The following EPS8 variants were observed in gnomAD, a reference collection of about 807,000 sequenced individuals.
The protein encoded by EPS8 is epidermal growth factor receptor kinase substrate 8.
Under a neutral mutation model 103.8 loss-of-function variants are expected in EPS8, and 42 were observed. The ratio of observed to expected loss-of-function variants is 0.40; its 90% CI spans 0.32 to 0.52. The LOEUF is 0.52. EPS8 is among the 20% of genes least tolerant of loss of function. The pLI is 0.40. For synonymous variants in EPS8, 344 were observed against 344.6 expected, an observed-to-expected ratio of 1.00 and a Z score of 0.02; for missense variants, 969 against 1,005.1, an observed-to-expected ratio of 0.96 and a Z score of 0.49.
chr12:15,656,959 A>C (rs1374433830), intron 12 of EPS8, among the ~76,000 whole-genome samples: 1 of 152,134 alleles, frequency 6.6e-6, no homozygotes, highest in Non-Finnish European at 1.5e-5. Flanking sequence ...TCCAAGCACC[A>C]TAATCCCCCA....
chr12:15,711,571 T>C (rs1946465539), intron 1 of EPS8, among the ~76,000 whole-genome samples: 1 of 152,124 alleles, frequency 6.6e-6, no homozygotes, highest in South Asian at 2.1e-4. Context: ...AGAACATATA[T>C]GGAGATTTAC....
intron 3 of EPS8, among the ~76,000 whole-genome samples, chr12:15,676,583 G>A (rs977169916): frequency 6.6e-6 from 1 of 152,242 alleles, no homozygotes; most frequent in Non-Finnish European, 1.5e-5. Flanking sequence ...ACACCCAAGC[G>A]AAGGGAATAT....
rs1373576725 is a variant in EPS8, at chr12:15,658,114, C to T, written c.1066G>A (p.Asp356Asn). 6.2e-7 allele frequency: 1 copy of T among 1,610,898 alleles called. No homozygotes were observed. The change falls in exon 12 of 21, where the codon GAT (aspartate) becomes AAT (asparagine). Residue 356 changes from aspartate to asparagine, a missense_variant. By Grantham distance (23) the Asp-to-Asn change is conservative. Coordinates refer to ENST00000281172, the MANE Select transcript of EPS8 (RefSeq NM_004447.6). ...KSHIQNPSAA[D>N]LVHFLFTPLN... ...GGAGTAAACAAAAAGTGAACCAAAT[C>T]TGCAGCACTAGGATTCTGAATATGA...
intron 1 of EPS8, among the ~76,000 whole-genome samples, chr12:15,715,947 G>A (rs1466842770): frequency 6.6e-6 from 1 of 150,514 alleles, no homozygotes; most frequent in Non-Finnish European, 1.5e-5. Flanking sequence ...ATAATATTAA[G>A]TCTTGAAACC....
intron 1 of EPS8, among the ~76,000 whole-genome samples, chr12:15,711,033 CTTAT>C (rs143155444): frequency 0.52 from 70,469 of 136,246 alleles, 19,273 homozygotes; most frequent in East Asian, 0.77. Context: ...CCATGCCAGG[CTTAT>C]TTATTTATTT....
rs1035860065 is a variant in EPS8 at position 15,752,369 on chromosome 12, C to A, written c.-22+36792G>T. On this transcript the variant is annotated intron_variant, in intron 1 of 20. Transcript: ENST00000281172. The surrounding 1 kb of genome is among the most constrained non-coding windows in gnomAD (Gnocchi z 4.4). ...GGCTAAGGCAGGAGAATGGCGTGAA[C>A]CCGCGAGGCGGAGCTTGCAGTGAGC... is the stretch of plus-strand genomic sequence containing the variant. Among the ~76,000 whole-genome samples, 1 of 152,054 alleles carries A rather than the reference C, an allele frequency of 6.6e-6. No homozygotes were observed. The highest frequency in any genetic ancestry group is 2.4e-5 in the African/African-American group (1 of 41,382).
At chr12:15,679,204 C>T (rs1250605279) in intron 3 of EPS8, among the ~76,000 whole-genome samples, 1 of 152,136 alleles carries the variant, frequency 6.6e-6, no homozygotes, top group Non-Finnish European at 1.5e-5. Flanking sequence ...AATTCATCCT[C>T]AATATTACTA....
rs745417768 is a variant in EPS8, at chr12:15,669,450, C to G, written c.453G>C (p.Leu151=). ...TGTTCTGGGTTGGCTCTTTGCACAC[C>G]AGTGCAAGAACTGAATCATAGCTGC... ...HSCSYDSVLA[L]VCKEPTQNKP... Residue 151 remains leucine, a synonymous_variant, in exon 6 of 21, where the codon CTG becomes CTC. Coordinates refer to ENST00000281172, the MANE Select transcript of EPS8 (RefSeq NM_004447.6). The G allele has an allele frequency of 7.4e-6, 12 of 1,613,584 alleles. No homozygotes were observed. Among genetic ancestry groups the G allele is most frequent in the Non-Finnish European group, 1.0e-5 (12 of 1,179,658 alleles).
chr12:15,621,317 T>A lies in EPS8; in HGVS notation c.2469A>T (p.Ter823TyrextTer46). ...TGGAGTTTAAATACAAACAAACAAA[T>A]TAGTGACTGCTTCCTTCATCAAAAG... ...VESFDEGSSH[*>Y] Residue 823 changes from the stop codon to tyrosine (Y), a stop_lost, in exon 21 of 21, where the codon TAA (stop) becomes TAT (tyrosine). Transcript: ENST00000281172. 1 of 1,536,802 alleles carries A rather than the reference T, an allele frequency of 6.5e-7. No homozygotes were observed. The highest frequency in any genetic ancestry group is 1.9e-5 in the Admixed American group (1 of 51,806).
intron 1 of EPS8, among the ~76,000 whole-genome samples, chr12:15,691,940 C>A (rs1377070960): frequency 6.6e-6 from 1 of 152,194 alleles, no homozygotes; most frequent in South Asian, 2.1e-4. Flanking sequence ...TACATTGAAG[C>A]ACCACCCATT....
In EPS8 at chr12:15,739,000, C is replaced by G. The variant is rs1054098716; in HGVS notation, c.-22+50161G>C. On this transcript the variant is annotated intron_variant, in intron 1 of 20. Coordinates refer to ENST00000281172, the MANE Select transcript of EPS8 (RefSeq NM_004447.6). This position sits in a 1 kb window ranked among gnomAD's most constrained non-coding sequence, Gnocchi z 6.2. ...GTCTATGCAGATTGCTCTAATATAG[C>G]ACAGACTACATCCCTGGGTTACTAT... Among the ~76,000 whole-genome samples the G allele has an allele frequency of 6.6e-6, 1 of 152,212 alleles. No individual in the cohort carries two copies. Among genetic ancestry groups the G allele is most frequent in the Non-Finnish European group, 1.5e-5 (1 of 68,030 alleles).
At position 15,736,545 on chromosome 12, in the gene EPS8, C is replaced by A. The variant is rs1180905421; in HGVS notation, c.-22+52616G>T. On this transcript the variant is annotated intron_variant, in intron 1 of 20. Coordinates refer to ENST00000281172, the MANE Select transcript of EPS8 (RefSeq NM_004447.6). This position sits in a 1 kb window ranked among gnomAD's most constrained non-coding sequence, Gnocchi z 4.2. ...TCTGCATTTTACTCACAGAAGATGC[C>A]CTCAAGCTTGGTTAAGATCTTATTA... 6.6e-6 allele frequency among the ~76,000 whole-genome samples: 1 copy of A among 152,074 alleles called. No homozygotes were observed. The highest frequency in any genetic ancestry group is 1.9e-4 in the East Asian group (1 of 5,184).
rs1275509636 is a variant in EPS8, at chr12:15,706,782, T to C, written c.-21-23810A>G. On this transcript the variant is annotated intron_variant, in intron 1 of 20. Transcript: ENST00000281172. This position sits in a 1 kb window ranked among gnomAD's most constrained non-coding sequence, Gnocchi z 5.2. ...AAGATATTCTTCCTTGGGCAAATTTTGTAATAAAATGACACAATTCTCCAA... is the reference window on the plus strand; with the variant it reads ...AAGATATTCTTCCTTGGGCAAATTTCGTAATAAAATGACACAATTCTCCAA... Among the ~76,000 whole-genome samples, 2 of 152,200 alleles carry C rather than the reference T, an allele frequency of 1.3e-5. No homozygotes were observed. The highest frequency in any genetic ancestry group is 1.3e-4 in the Admixed American group (2 of 15,284).
In EPS8 at chr12:15,621,003, A is replaced by G. The variant is rs1944853421; in HGVS notation, c.*314T>C. ...TTGCTTTGTTGCAGTGAATAACTCC[A>G]CCACTATCAAAACAATTCCTGTTTA... On this transcript the variant is annotated 3_prime_UTR_variant, in exon 21 of 21. Transcript: ENST00000281172. The G allele has an allele frequency of 4.3e-6, 1 of 233,050 alleles. No homozygotes were observed. Among genetic ancestry groups the G allele is most frequent in the Non-Finnish European group, 8.2e-6 (1 of 122,474 alleles). 14.4% of individuals were successfully genotyped at this position (233,050 alleles called of 1,614,324 possible).
intron 1 of EPS8, among the ~76,000 whole-genome samples, chr12:15,724,307 T>C (rs1029879439): frequency 6.6e-6 from 1 of 152,224 alleles, no homozygotes; most frequent in African/African-American, 2.4e-5. Flanking sequence ...CAAAGTTTTA[T>C]GTGTTGTCAA....
At chr12:15,665,288 A>G (rs1945687136) in intron 8 of EPS8, 1 of 172,160 alleles carries the variant, frequency 5.8e-6, no homozygotes, top group African/African-American at 2.4e-5. Flanking sequence ...TACAGATAAT[A>G]ATCTTAACAA....
chr12:15,633,259 T>C (rs1945080193), intron 17 of EPS8, among the ~76,000 whole-genome samples: 1 of 152,210 alleles, frequency 6.6e-6, no homozygotes, highest in Admixed American at 6.5e-5. Context: ...GCAGTCAAAA[T>C]ACAGCAAACA....
At chr12:15,669,863 T>TACA in intron 4 of EPS8, 38 bp from the exon 5 acceptor site, 1 of 1,473,716 alleles carries the variant, frequency 6.8e-7, no homozygotes, top group Non-Finnish European at 9.2e-7. Flanking sequence ...TTATAACACA[T>TACA]ACAAACACAT....
At position 15,759,365 on chromosome 12, in the gene EPS8, A is replaced by G. The variant is rs1947018901; in HGVS notation, c.-22+29796T>C. ...TTCCATAATTTTGATCTGATTCAAC[A>G]CAACTAATTTTATGCAATAAAAAAA... On this transcript the variant is annotated intron_variant, in intron 1 of 20. Transcript: ENST00000281172. This position sits in a 1 kb window ranked among gnomAD's most constrained non-coding sequence, Gnocchi z 4.9. Among the ~76,000 whole-genome samples the G allele has an allele frequency of 6.6e-6, 1 of 152,126 alleles. No homozygotes were observed. Among genetic ancestry groups the G allele is most frequent in the South Asian group, 2.1e-4 (1 of 4,832 alleles).
Sources: allele counts gnomAD v4.1 joint callset (sites outside exome capture counted in the v4.1 genomes callset), GRCh38; gene constraint gnomAD v4.1.1; non-coding constraint Gnocchi (gnomAD v3.1); transcripts MANE v1.5; gene names NCBI Gene and HGNC (gene_info 2026-07-23, HGNC 2026-07-21).